The following NCBP2 variants were observed in gnomAD, a reference collection of about 807,000 sequenced individuals.
The protein encoded by NCBP2 is nuclear cap binding protein subunit 2.
Under a neutral mutation model 21.5 loss-of-function variants are expected in NCBP2, and 8 were observed. The observed-to-expected ratio is 0.37, with a 90% CI of 0.22 to 0.67. NCBP2 has a LOEUF of 0.67. Ranked by LOEUF, NCBP2 falls within the 30% of genes least tolerant of loss-of-function variation. The probability of loss-of-function intolerance (pLI) is 0.56; values close to 1 mark genes in which losing one functional copy is unlikely to be tolerated. For missense variants in NCBP2, 127 were observed against 206.9 expected, an observed-to-expected ratio of 0.61 and a Z score of 2.37; for synonymous variants, 92 against 75.8, an observed-to-expected ratio of 1.21 and a Z score of -1.11.
rs1716416334 is a variant in NCBP2, at chr3:196,939,294, G to A, written c.217C>T (p.Leu73=). The change falls in exon 2 of 4, where the codon CTG becomes TTG. Residue 73 remains leucine, a synonymous_variant. Coordinates refer to ENST00000321256, the MANE Select transcript of NCBP2 (RefSeq NM_007362.5). The part of the protein sequence containing the change: ...SGDIKKIIMG[L]DKMKKTACGF... ...CATGCTGTTTTCTTCATTTTATCCA[G>A]ACCCATAATGATTTTCTTTATGTCA... 3 of 1,613,740 alleles carry A rather than the reference G, an allele frequency of 1.9e-6. No homozygotes were observed. Among genetic ancestry groups the A allele is most frequent in the Non-Finnish European group, 2.5e-6 (3 of 1,179,788 alleles).
intron 1 of NCBP2, chr3:196,941,786 G>T: frequency 1.1e-6 from 1 of 888,060 alleles, no homozygotes; most frequent in Non-Finnish European, 1.7e-6. Flanking sequence ...GATATAGTCC[G>T]GACTAAAAAT....
In NCBP2 at chr3:196,942,321, T is replaced by C. The variant is rs1716632262; in HGVS notation, c.78+105A>G. On this transcript the variant is annotated intron_variant, in intron 1 of 3. Coordinates refer to ENST00000321256, the MANE Select transcript of NCBP2 (RefSeq NM_007362.5). ...CAGGCACCGGGGCCCCACTTGGCGT[T>C]TGCGGATTTCAGCTGAATGGGAGGC... The C allele has an allele frequency of 9.1e-6, 14 of 1,536,310 alleles. No individual in the cohort carries two copies. In the Middle Eastern group the frequency reaches 5.0e-4, roughly 55 times the overall value.
In NCBP2 at chr3:196,942,410, G is replaced by A. The variant is rs1716642462; in HGVS notation, c.78+16C>T. On this transcript the variant is annotated intron_variant, in intron 1 of 3. Transcript: ENST00000321256. ...TTGCCCAGGGCCTTCCCGTCTCGCG[G>A]CCCGGCCTCCCTCACCCGGAAGTGC... The A allele has an allele frequency of 6.2e-7, 1 of 1,610,494 alleles. No individual in the cohort carries two copies. The highest frequency in any genetic ancestry group is 8.5e-7 in the Non-Finnish European group (1 of 1,178,848).
Position 196,939,501 on chromosome 3 carries a change from G to A in NCBP2, c.79-69C>T, listed in dbSNP as rs138375372. The A allele has an allele frequency of 3.7e-3, 4,170 of 1,122,204 alleles. 44 individuals carry two copies. The highest frequency in any genetic ancestry group is 0.031 in the African/African-American group (1,937 of 63,366). 69.5% of individuals were successfully genotyped at this position (1,122,204 alleles called of 1,614,324 possible). A position where few individuals can be genotyped will look rare whatever the true frequency, so the allele number is the denominator to read the frequency against. ...TTGCTTAAATAGTATTTCTAAGTAC[G>A]GTAGAGACATTCATTAATTCTGGTT... On this transcript the variant is annotated intron_variant, in intron 1 of 3. Transcript: ENST00000321256.
At chr3:196,937,242 C>A in intron 3 of NCBP2, 160 bp from the exon 4 acceptor site, 1 of 833,882 alleles carries the variant, frequency 1.2e-6, no homozygotes. Flanking sequence ...GTGCGTTTTG[C>A]TTTCATTTTA....
In NCBP2 at chr3:196,935,838, A is replaced by G. The variant is rs1331534268; in HGVS notation, c.*1173T>C. ...AGAGAAATCACCTCTTGCCTTACAA[A>G]TACCAAATAAATTCCCTAGACTCCC... On this transcript the variant is annotated 3_prime_UTR_variant, in exon 4 of 4. Coordinates refer to ENST00000321256, the MANE Select transcript of NCBP2 (RefSeq NM_007362.5). 8.1e-6 allele frequency: 1 copy of G among 123,666 alleles called. No individual in the cohort carries two copies. The highest frequency in any genetic ancestry group is 1.6e-5 in the Non-Finnish European group (1 of 61,452). 7.7% of individuals were successfully genotyped at this position (123,666 alleles called of 1,614,324 possible).
At chr3:196,938,771 C>G (rs1023313493) in intron 2 of NCBP2, 3 of 152,508 alleles carry the variant, frequency 2.0e-5, no homozygotes, top group Non-Finnish European at 2.9e-5. Flanking sequence ...ACTACAAACA[C>G]CAGCCACCAT....
In NCBP2 at chr3:196,936,919, TA is replaced by T; in HGVS notation, c.*91del. On this transcript the variant is annotated 3_prime_UTR_variant, in exon 4 of 4. Transcript: ENST00000321256. ...AGTAAAGACACTGATCAAATCTTGG[TA>T]AAAATGGGCTCGTGTGCAGACTTTA... is the stretch of plus-strand genomic sequence containing the variant. The T allele has an allele frequency of 1.7e-6, 2 of 1,190,292 alleles. No homozygotes were observed. Among genetic ancestry groups the T allele is most frequent in the Non-Finnish European group, 2.5e-6 (2 of 795,114 alleles). The allele number at this position is 1,190,292 out of a possible 1,614,324, so 73.7% of individuals were successfully genotyped here.
intron 1 of NCBP2, chr3:196,941,706 T>A: frequency 7.8e-5 from 36 of 458,878 alleles, no homozygotes; most frequent in East Asian, 2.0e-4. Flanking sequence ...ATTCCATCCC[T>A]ACCTCCGCTG....
chr3:196,937,931 T>C (rs2108879091), intron 2 of NCBP2: 1 of 391,130 alleles, frequency 2.6e-6, no homozygotes, highest in Non-Finnish European at 4.8e-6. Context: ...TTTAGATCAC[T>C]GTACACTTCT....
intron 2 of NCBP2, 111 bp from the exon 3 acceptor site, chr3:196,937,759 G>A (rs977816366): frequency 1.5e-6 from 2 of 1,357,668 alleles, no homozygotes; most frequent in Non-Finnish European, 2.0e-6. Flanking sequence ...CAACCAGATG[G>A]AGTTCAAAGA....
intron 1 of NCBP2, chr3:196,940,277 C>T (rs1324994564): frequency 6.6e-6 from 1 of 152,152 alleles, no homozygotes; most frequent in African/African-American, 2.4e-5. Context: ...GAGGCTGAAG[C>T]AGGAGAATCG....
chr3:196,942,326 G>T, intron 1 of NCBP2, 100 bp downstream of exon 1: 1 of 1,540,496 alleles, frequency 6.5e-7, no homozygotes. Flanking sequence ...GGCGTTTGCG[G>T]ATTTCAGCTG....
intron 1 of NCBP2, chr3:196,939,838 G>T (rs1716444587): frequency 6.2e-6 from 1 of 161,582 alleles, no homozygotes; most frequent in African/African-American, 2.4e-5. Context: ...CAGAGAGAGA[G>T]AGAGTTCCTC....
Position 196,936,707 on chromosome 3 carries a change from A to G in NCBP2, c.*304T>C, listed in dbSNP as rs73891584. ...AATTCTTACATTTTTCTGTCTTTCTAAAAGTGTAGTGGTTATGGCTAAAGA... is the reference window on the plus strand; with the variant it reads ...AATTCTTACATTTTTCTGTCTTTCTGAAAGTGTAGTGGTTATGGCTAAAGA... On this transcript the variant is annotated 3_prime_UTR_variant, in exon 4 of 4. Transcript: ENST00000321256. 0.011 allele frequency: 4,308 copies of G among 384,010 alleles called. 129 individuals carry two copies. Among genetic ancestry groups the G allele is most frequent in the African/African-American group, 0.075 (3,668 of 48,732 alleles). 23.8% of individuals were successfully genotyped at this position (384,010 alleles called of 1,614,324 possible). A position where few individuals can be genotyped will look rare whatever the true frequency, so the allele number is the denominator to read the frequency against.
At chr3:196,938,006 GAGA>G (rs1374375153) in intron 2 of NCBP2, 7 of 189,694 alleles carry the variant, frequency 3.7e-5, no homozygotes, top group East Asian at 1.3e-4. Flanking sequence ...CCCTAATCAA[GAGA>G]AGGTCACCGT....
rs1041329449 is a variant in NCBP2, at chr3:196,942,288, C to T, written c.78+138G>A. 7.9e-6 allele frequency: 12 copies of T among 1,510,504 alleles called. No homozygotes were observed. In the African/African-American group the frequency reaches 1.5e-4, roughly 19 times the overall value. The allele number at this position is 1,510,504 out of a possible 1,614,324, so 93.6% of individuals were successfully genotyped here. ...CGCCCTTCCAGCACCCATTCCCTGCCTCGCCAGCAGGCACCGGGGCCCCAC... is the reference window on the plus strand; with the variant it reads ...CGCCCTTCCAGCACCCATTCCCTGCTTCGCCAGCAGGCACCGGGGCCCCAC... On this transcript the variant is annotated intron_variant, in intron 1 of 3. Transcript: ENST00000321256.
chr3:196,937,772 G>A, intron 2 of NCBP2, 124 bp from the exon 3 acceptor site: 1 of 1,231,450 alleles, frequency 8.1e-7, no homozygotes, highest in East Asian at 2.4e-5. Context: ...TTCAAAGACA[G>A]TAATTCAGCT....
intron 2 of NCBP2, chr3:196,938,413 A>G (rs1483806433): frequency 6.6e-6 from 1 of 152,182 alleles, no homozygotes; most frequent in Non-Finnish European, 1.5e-5. Flanking sequence ...ACAGGAAAAA[A>G]TTCAAAAGAT....
Sources: gnomAD v4.1 joint callset for allele counts on GRCh38, gnomAD v4.1.1 for gene constraint, MANE v1.5 for transcripts, NCBI Gene and HGNC (gene_info 2026-07-23, HGNC 2026-07-21) for gene names.